Variants in SCN3B observed in about 807,000 individuals in gnomAD.
The protein encoded by SCN3B is sodium voltage-gated channel beta subunit 3, also known as sodium channel regulatory subunit beta-3.
In SCN3B, 11 loss-of-function variants were observed where a neutral mutation model predicts 25.4. The observed-to-expected ratio is 0.43, with a 90% CI of 0.27 to 0.72. The LOEUF is 0.72. SCN3B is among the 30% of genes least tolerant of loss of function. The probability of loss-of-function intolerance (pLI) is 0.18; values close to 1 mark genes in which losing one functional copy is unlikely to be tolerated. For missense variants in SCN3B, 218 were observed against 278.3 expected (o/e 0.78, Z 1.54); for synonymous variants, 109 against 110.7 (o/e 0.99, Z 0.09).
rs776864583 is a variant in SCN3B, at chr11:123,631,553, C to T, written c.*2246G>A. Reference sequence around the variant, plus strand: ...GTTAACGGTCTGGTTTTGGGCCAGGCACAGTTGCTCAGGCCTGTAATCCCA... The same window carrying T: ...GTTAACGGTCTGGTTTTGGGCCAGGTACAGTTGCTCAGGCCTGTAATCCCA... On this transcript the variant is annotated 3_prime_UTR_variant, in exon 7 of 7. Coordinates refer to ENST00000299333, the MANE Select transcript of SCN3B (RefSeq NM_001040151.2). 19 of 152,166 alleles carry T rather than the reference C, an allele frequency of 1.2e-4. No homozygotes were observed. Among genetic ancestry groups the T allele is most frequent in the Non-Finnish European group, 2.5e-4 (17 of 68,032 alleles). The allele number at this position is 152,166 out of a possible 1,614,324, so 9.4% of individuals were successfully genotyped here.
At chr11:123,643,976 G>T (rs781315208) in intron 3 of SCN3B, among the ~76,000 whole-genome samples, 1 of 152,188 alleles carries the variant, frequency 6.6e-6, no homozygotes, top group Non-Finnish European at 1.5e-5. Flanking sequence ...AAATGGGTTC[G>T]GCTTTAGGAT....
Position 123,648,248 on chromosome 11 carries a change from A to G in SCN3B, c.56-2498T>C, listed in dbSNP as rs115579682. ...CAGTTACAATTATAGAGGCAGGGTGAAGATAGAATCTGGCAACTGAAGAGT... is the reference window on the plus strand; with the variant it reads ...CAGTTACAATTATAGAGGCAGGGTGGAGATAGAATCTGGCAACTGAAGAGT... On this transcript the variant is annotated intron_variant, in intron 2 of 6. Coordinates refer to ENST00000299333, the MANE Select transcript of SCN3B (RefSeq NM_001040151.2). 3.3e-3 allele frequency among the ~76,000 whole-genome samples: 509 copies of G among 152,354 alleles called. 4 individuals are homozygous for G. The highest frequency in any genetic ancestry group is 0.018 in the South Asian group (86 of 4,824).
chr11:123,633,984 T>G lies in SCN3B; in HGVS notation c.*22+137A>C, dbSNP rs1955699026. ...AGCTTTCTGACTTAAAGAATTACCC[T>G]GAGGGCGGGGACCCCAGGCAGGGTA... On this transcript the variant is annotated intron_variant, in intron 6 of 6. Coordinates refer to ENST00000299333, the MANE Select transcript of SCN3B (RefSeq NM_001040151.2). The G allele has an allele frequency of 5.8e-6, 4 of 688,114 alleles. No individual in the cohort carries two copies. In the East Asian group the frequency reaches 1.1e-4, roughly 19 times the overall value. The allele number at this position is 688,114 out of a possible 1,614,324, so 42.6% of individuals were successfully genotyped here.
chr11:123,650,000 A>C (rs543612321), intron 2 of SCN3B, among the ~76,000 whole-genome samples: 4 of 152,298 alleles, frequency 2.6e-5, no homozygotes, highest in South Asian at 4.1e-4. Context: ...CACAGCACCC[A>C]GTCCACCACT....
intron 5 of SCN3B, among the ~76,000 whole-genome samples, chr11:123,634,890 T>C (rs2137231866): frequency 6.6e-6 from 1 of 152,382 alleles, no homozygotes; most frequent in East Asian, 1.9e-4. Flanking sequence ...TTTCCTTTGA[T>C]GCTTTCATGT....
At position 123,633,644 on chromosome 11, in the gene SCN3B, G is replaced by A. The variant is rs1018225561; in HGVS notation, c.*155C>T. The A allele has an allele frequency of 9.0e-6, 2 of 222,474 alleles. No homozygotes were observed. The highest frequency in any genetic ancestry group is 4.5e-5 in the African/African-American group (2 of 44,112). 13.8% of individuals were successfully genotyped at this position (222,474 alleles called of 1,614,324 possible). On this transcript the variant is annotated 3_prime_UTR_variant, in exon 7 of 7. Transcript: ENST00000299333. ...GTCAGAGGTGAAAGCTCAGAGGCAG[G>A]TGGATGTATGGATGAATGAATGAAC... is the stretch of plus-strand genomic sequence containing the variant.
intron 1 of SCN3B, 169 bp from the exon 2 acceptor site, chr11:123,653,995 C>T: frequency 6.3e-6 from 4 of 632,936 alleles, no homozygotes; most frequent in Non-Finnish European, 1.1e-5. Context: ...GGGCTTTGGG[C>T]CCTAAGCGAC....
chr11:123,644,458 C>T (rs551544804), intron 3 of SCN3B, among the ~76,000 whole-genome samples: 90 of 152,212 alleles, frequency 5.9e-4, no homozygotes, highest in African/African-American at 2.1e-3. Context: ...TAATGGTCAT[C>T]TCCAAGGTGG....
chr11:123,651,062 A>AT (rs113366169), intron 2 of SCN3B, among the ~76,000 whole-genome samples: 1 of 151,718 alleles, frequency 6.6e-6, no homozygotes, highest in Non-Finnish European at 1.5e-5. Flanking sequence ...GTCTGTATTA[A>AT]TTTTTTTAAT....
At chr11:123,650,458 T>G (rs1720329) in intron 2 of SCN3B, among the ~76,000 whole-genome samples, 12,474 of 152,218 alleles carry the variant, frequency 0.082, 532 homozygotes, top group Middle Eastern at 0.11. Flanking sequence ...ACGTGACTTG[T>G]TCTGTCAATT....
At chr11:123,636,763 G>C (rs1466176861) in intron 5 of SCN3B, among the ~76,000 whole-genome samples, 2 of 151,400 alleles carry the variant, frequency 1.3e-5, no homozygotes, top group Non-Finnish European at 2.9e-5. Flanking sequence ...CCGTGATCTC[G>C]GCTCACTGCA....
In SCN3B at chr11:123,645,737, G is replaced by A. The variant is rs1260386462; in HGVS notation, c.69C>T (p.Phe23=). The A allele has an allele frequency of 1.9e-6, 3 of 1,614,008 alleles. No individual in the cohort carries two copies. The highest frequency in any genetic ancestry group is 2.5e-6 in the Non-Finnish European group (3 of 1,180,042). The change falls in exon 3 of 7, where the codon TTC becomes TTT. Residue 23 remains phenylalanine, a synonymous_variant. Transcript: ENST00000299333. ...LVLIYWVSVC[F]PVCVEVPSET... The stretch of plus-strand genomic sequence containing the variant: ...CCGAGGGCACTTCCACACACACAGG[G>A]AAGCAGACACTGACTGCAGAGAGGA...
At chr11:123,634,841 T>C (rs569347180) in intron 5 of SCN3B, among the ~76,000 whole-genome samples, 21 of 152,390 alleles carry the variant, frequency 1.4e-4, no homozygotes, top group Admixed American at 7.2e-4. Context: ...TTCATCTGCT[T>C]TCCAGTTCTT....
At chr11:123,645,818 T>C (rs1955848119) in intron 2 of SCN3B, 68 bp from the exon 3 acceptor site, 5 of 1,563,172 alleles carry the variant, frequency 3.2e-6, no homozygotes, top group Non-Finnish European at 3.5e-6. Context: ...GAGAGAAACA[T>C]TGGAGAAGAA....
In SCN3B at chr11:123,642,153, T is replaced by C. The variant is rs1955799418; in HGVS notation, c.445+293A>G. ...AAGAAGGCCTAGCTGAATCAGTAGC[T>C]TTAGGCCTCATGGAGGCTAGCCTCT... is the stretch of plus-strand genomic sequence containing the variant. On this transcript the variant is annotated intron_variant, in intron 4 of 6. Coordinates refer to ENST00000299333, the MANE Select transcript of SCN3B (RefSeq NM_001040151.2). The surrounding 1 kb of genome is among the most constrained non-coding windows in gnomAD (Gnocchi z 4.3). Among the ~76,000 whole-genome samples, 1 of 152,142 alleles carries C rather than the reference T, an allele frequency of 6.6e-6. No individual in the cohort carries two copies. The highest frequency in any genetic ancestry group is 6.5e-5 in the Admixed American group (1 of 15,282).
intron 5 of SCN3B, 139 bp downstream of exon 5, chr11:123,638,047 A>C: frequency 9.8e-7 from 1 of 1,019,132 alleles, no homozygotes; most frequent in Non-Finnish European, 1.5e-6. Context: ...TAAAATGGGT[A>C]TAATAATGGT....
chr11:123,645,825 A>T (rs1305442233), intron 2 of SCN3B, 75 bp from the exon 3 acceptor site: 1 of 1,531,826 alleles, frequency 6.5e-7, no homozygotes, highest in African/African-American at 1.4e-5. Context: ...ACATTGGAGA[A>T]GAAGGAGGGA....
chr11:123,635,987 G>C (rs1955720296), intron 5 of SCN3B, among the ~76,000 whole-genome samples: 1 of 152,140 alleles, frequency 6.6e-6, no homozygotes, highest in Non-Finnish European at 1.5e-5. Flanking sequence ...GAAATCTAAT[G>C]GGCATTTTGA....
chr11:123,634,678 G>A (rs1306069608), intron 5 of SCN3B, among the ~76,000 whole-genome samples: 2 of 152,192 alleles, frequency 1.3e-5, no homozygotes, highest in African/African-American at 2.4e-5. Context: ...GGAGGTCGAG[G>A]CCATGATTGC....
Sources: gnomAD v4.1 joint callset for allele counts (sites outside exome capture counted in the v4.1 genomes callset) on GRCh38, gnomAD v4.1.1 for gene constraint, Gnocchi (gnomAD v3.1) non-coding constraint, MANE v1.5 for transcripts, NCBI Gene and HGNC (gene_info 2026-07-23, HGNC 2026-07-21) for gene names.